The following STPG2 variants were observed in gnomAD, a reference collection of about 807,000 sequenced individuals.
STPG2 encodes sperm tail PG-rich repeat containing 2, also known as sperm-tail PG-rich repeat-containing protein 2.
Under a neutral mutation model 54.2 loss-of-function variants are expected in STPG2, and 56 were observed. The ratio of observed to expected loss-of-function variants is 1.03; its 90% CI spans 0.83 to 1.29. The LOEUF is 1.29. Ranked by LOEUF, STPG2 falls within the 50% of genes most tolerant of loss-of-function variation. The pLI, the probability that STPG2 is intolerant of heterozygous loss-of-function variation, is 0.00. For missense variants in STPG2, 596 were observed against 544.9 expected, an observed-to-expected ratio of 1.09 and a Z score of -0.93; for synonymous variants, 200 against 181.8, an observed-to-expected ratio of 1.10 and a Z score of -0.81.
intron 6 of STPG2, among the ~76,000 whole-genome samples, chr4:97,979,365 G>A (rs1734596813): frequency 6.6e-6 from 1 of 152,134 alleles, no homozygotes; most frequent in Non-Finnish European, 1.5e-5. Context: ...ATGCTAACAT[G>A]TGCCCAGCTG....
intron 10 of STPG2, among the ~76,000 whole-genome samples, chr4:97,706,392 T>C (rs1327459575): frequency 1.3e-5 from 2 of 152,194 alleles, no homozygotes; most frequent in Non-Finnish European, 2.9e-5. Flanking sequence ...CCCTCGTGAA[T>C]GGAATTAGGC....
At chr4:97,460,285 T>C (rs113304544) in intron 4 of STPG2, among the ~76,000 whole-genome samples, 2,469 of 152,290 alleles carry the variant, frequency 0.016, 63 homozygotes, top group African/African-American at 0.057. Context: ...TTTATTTTTT[T>C]CTATTTATTA....
chr4:98,037,056 T>C (rs998904114), intron 5 of STPG2, among the ~76,000 whole-genome samples: 2 of 151,958 alleles, frequency 1.3e-5, no homozygotes, highest in African/African-American at 4.8e-5. Context: ...CAAATATCTC[T>C]CCCAAGAAGA....
chr4:98,103,404 G>A (rs958889672), intron 5 of STPG2, among the ~76,000 whole-genome samples: 6 of 152,034 alleles, frequency 3.9e-5, no homozygotes, highest in African/African-American at 9.7e-5. Context: ...CACTTTGGGA[G>A]GCTGAAGTGG....
At position 97,477,643 on chromosome 4, in the gene STPG2, A is replaced by AT. The variant is rs561080941; in HGVS notation, c.462+235055dup. 9.8e-3 allele frequency among the ~76,000 whole-genome samples: 1,383 copies of AT among 141,182 alleles called. 14 individuals are homozygous for AT. The highest frequency in any genetic ancestry group is 0.026 in the African/African-American group (996 of 38,764). 92.6% of individuals were successfully genotyped at this position (141,182 alleles called of 152,430 possible). ...AGGCGCCTGCCACCATGCCCGGCTA[A>AT]TTTTTTTTTTTTTTCTTTTTGTATT... On this transcript the variant is annotated intron_variant, in intron 4 of 4. Transcript: ENST00000522676.
intron 8 of STPG2, among the ~76,000 whole-genome samples, chr4:97,873,404 T>C (rs1302577133): frequency 6.6e-6 from 1 of 151,516 alleles, no homozygotes; most frequent in Admixed American, 6.6e-5. Context: ...CAACATTTGT[T>C]TATAGTTCTT....
At chr4:97,553,330 C>T (rs1197573335) in intron 4 of STPG2, among the ~76,000 whole-genome samples, 1 of 152,090 alleles carries the variant, frequency 6.6e-6, no homozygotes, top group Non-Finnish European at 1.5e-5. Flanking sequence ...TGCTGCAAAG[C>T]TCAGGAAAAC....
intron 10 of STPG2, among the ~76,000 whole-genome samples, chr4:97,693,137 A>T (rs79876162): frequency 2.7e-4 from 17 of 62,606 alleles, no homozygotes; most frequent in South Asian, 7.6e-4. Flanking sequence ...TAACAATGAT[A>T]AAAAAAAAAA....
chr4:97,524,608 G>A (rs1731245915), intron 4 of STPG2, among the ~76,000 whole-genome samples: 1 of 151,792 alleles, frequency 6.6e-6, no homozygotes, highest in African/African-American at 2.4e-5. Context: ...TATTTTTATG[G>A]CATTTGAACC....
intron 10 of STPG2, among the ~76,000 whole-genome samples, chr4:97,636,719 C>A (rs558920835): frequency 6.6e-6 from 1 of 152,072 alleles, no homozygotes; most frequent in Non-Finnish European, 1.5e-5. Context: ...AACACCTCTA[C>A]GAAAATAAAC....
intron 5 of STPG2, among the ~76,000 whole-genome samples, chr4:97,987,972 C>T (rs1232929752): frequency 6.6e-6 from 1 of 151,840 alleles, no homozygotes; most frequent in Non-Finnish European, 1.5e-5. Flanking sequence ...CTCAAACCCA[C>T]CCAGTGGTTG....
intron 9 of STPG2, among the ~76,000 whole-genome samples, chr4:97,745,911 C>A (rs193230713): frequency 5.1e-4 from 77 of 151,346 alleles, no homozygotes; most frequent in African/African-American, 1.8e-3. Flanking sequence ...ATCTTAACAT[C>A]TGGATTTCTA....
intron 9 of STPG2, among the ~76,000 whole-genome samples, chr4:97,798,141 A>G (rs1435218269): frequency 6.6e-6 from 1 of 152,040 alleles, no homozygotes; most frequent in Non-Finnish European, 1.5e-5. Flanking sequence ...TAGCTCCTGG[A>G]TTCATCGATT....
intron 4 of STPG2, among the ~76,000 whole-genome samples, chr4:97,506,019 CAAA>C (rs59206485): frequency 5.9e-5 from 1 of 16,932 alleles, no homozygotes; most frequent in African/African-American, 2.0e-4. Flanking sequence ...AATAGGAGAC[CAAA>C]AAAAAAAAAA....
In STPG2 at chr4:98,143,331, TC is replaced by T; in HGVS notation, c.-182del. On this transcript the variant is annotated 5_prime_UTR_variant, in exon 1 of 11. Transcript: ENST00000295268. The stretch of plus-strand genomic sequence containing the variant: ...CCCGCCCGCTCATTGATACCAGATT[TC>T]CTCAAATCGATTTCTAGCTCTGTGG... 1 of 582,022 alleles carries T rather than the reference TC, an allele frequency of 1.7e-6. No individual in the cohort carries two copies. Among genetic ancestry groups the T allele is most frequent in the South Asian group, 2.1e-5 (1 of 48,448 alleles). 36.1% of individuals were successfully genotyped at this position (582,022 alleles called of 1,614,324 possible).
At chr4:97,943,514 T>C (rs1347831496) in intron 8 of STPG2, among the ~76,000 whole-genome samples, 2 of 146,876 alleles carry the variant, frequency 1.4e-5, no homozygotes, top group Non-Finnish European at 3.0e-5. Context: ...TAAAAATAAA[T>C]CACTCGGGAG....
chr4:97,754,742 C>T (rs944268394), intron 9 of STPG2, among the ~76,000 whole-genome samples: 17 of 152,032 alleles, frequency 1.1e-4, no homozygotes, highest in African/African-American at 3.9e-4. Context: ...ACAGTACTTC[C>T]TATCTTGTCA....
At chr4:97,480,823 T>C (rs1578331658) in intron 4 of STPG2, among the ~76,000 whole-genome samples, 2 of 151,642 alleles carry the variant, frequency 1.3e-5, no homozygotes, top group African/African-American at 4.8e-5. Context: ...ACAATCTGAA[T>C]AAACTATATG....
intron 10 of STPG2, among the ~76,000 whole-genome samples, chr4:97,694,812 C>CAAAAAAAAAAAAAAAAAAAA (rs70953083): frequency 2.3e-5 from 1 of 44,032 alleles, no homozygotes; most frequent in Non-Finnish European, 4.3e-5. Flanking sequence ...GACTCTGTCA[C>CAAAAAAAAAAAAAAAAAAAA]AAAAAAAAAA....
Sources: allele counts gnomAD v4.1 joint callset (sites outside exome capture counted in the v4.1 genomes callset), GRCh38; gene constraint gnomAD v4.1.1; transcripts MANE v1.5; gene names NCBI Gene and HGNC (gene_info 2026-07-23, HGNC 2026-07-21).